Variants in ST7 observed in about 807,000 individuals in gnomAD.
The protein encoded by ST7 is suppression of tumorigenicity 7, also known as suppressor of tumorigenicity 7 protein.
Under a neutral mutation model 78.7 loss-of-function variants are expected in ST7, and 28 were observed. The observed-to-expected ratio is 0.36, with a 90% CI of 0.26 to 0.49. The LOEUF is 0.49. ST7 is among the 20% of genes least tolerant of loss of function. The pLI is 0.99. For synonymous variants in ST7, 247 were observed against 249.6 expected, an observed-to-expected ratio of 0.99 and a Z score of 0.10; for missense variants, 418 against 696.0, an observed-to-expected ratio of 0.60 and a Z score of 4.49.
intron 3 of ST7, among the ~76,000 whole-genome samples, chr7:117,126,671 C>T (rs1803875302): frequency 1.3e-5 from 2 of 151,328 alleles, no homozygotes; most frequent in African/African-American, 4.9e-5. Context: ...TATGAAAAGA[C>T]ATGAAATAAA....
At position 117,223,175 on chromosome 7, in the gene ST7, A is replaced by T. The variant is rs576419350; in HGVS notation, c.1638+1113A>T. ...CTCCTAAGCAACTAGGCCTTCAGTAAATGTGATTCACCTCTTCTTTCCCTC... is the reference window on the plus strand; with the variant it reads ...CTCCTAAGCAACTAGGCCTTCAGTATATGTGATTCACCTCTTCTTTCCCTC... On this transcript the variant is annotated intron_variant, in intron 15 of 15. Coordinates refer to ENST00000323984, the MANE Select transcript of ST7 (RefSeq NM_001369598.1). 113 of 586,506 alleles carry T rather than the reference A, an allele frequency of 1.9e-4. 1 individual carries two copies. In the East Asian group the frequency reaches 3.2e-3, roughly 17 times the overall value. 36.3% of individuals were successfully genotyped at this position (586,506 alleles called of 1,614,324 possible).
intron 10 of ST7, among the ~76,000 whole-genome samples, chr7:117,188,727 AC>A (rs1303588054): frequency 1.3e-5 from 2 of 151,876 alleles, no homozygotes; most frequent in Non-Finnish European, 1.5e-5. Flanking sequence ...TCATACATAT[AC>A]CCTTTAAAAG....
At chr7:116,993,280 T>C (rs554325856) in intron 1 of ST7, among the ~76,000 whole-genome samples, 4 of 152,340 alleles carry the variant, frequency 2.6e-5, no homozygotes, top group African/African-American at 9.6e-5. Flanking sequence ...AGAAGTTTAA[T>C]TGGACTTACA....
At chr7:117,127,065 T>G (rs1803914129) in intron 3 of ST7, among the ~76,000 whole-genome samples, 1 of 151,894 alleles carries the variant, frequency 6.6e-6, no homozygotes, top group Non-Finnish European at 1.5e-5. Context: ...TTATTATTGA[T>G]ATTAGCAAGT....
At chr7:116,984,112 G>GGT (rs1794087932) in intron 1 of ST7, among the ~76,000 whole-genome samples, 1 of 78,876 alleles carries the variant, frequency 1.3e-5, no homozygotes, top group Non-Finnish European at 2.4e-5. Context: ...ATTTATGTCA[G>GGT]CTGTGTGTGT....
chr7:117,079,839 C>G (rs1034452280), intron 1 of ST7, among the ~76,000 whole-genome samples: 4 of 152,130 alleles, frequency 2.6e-5, no homozygotes, highest in Non-Finnish European at 5.9e-5. Context: ...GCTTAAGAAA[C>G]CTTTTCTTCC....
chr7:117,192,474 T>C (rs1809875042), intron 12 of ST7, among the ~76,000 whole-genome samples: 1 of 152,242 alleles, frequency 6.6e-6, no homozygotes, highest in Non-Finnish European at 1.5e-5. Flanking sequence ...CTATCTTCTG[T>C]GGTAAAGATC....
rs528189514 is a variant in ST7 at position 117,217,086 on chromosome 7, C to T, written c.1406-1998C>T. 2.6e-5 allele frequency among the ~76,000 whole-genome samples: 4 copies of T among 152,246 alleles called. No homozygotes were observed. In the South Asian group the frequency reaches 8.3e-4, roughly 32 times the overall value. ...CAACCATTAGATTTCTATGGTTGAACACTCTCAAGATCTTGCACTCCTGTA... is the reference window on the plus strand; with the variant it reads ...CAACCATTAGATTTCTATGGTTGAATACTCTCAAGATCTTGCACTCCTGTA... On this transcript the variant is annotated intron_variant, in intron 13 of 15. Transcript: ENST00000323984.
chr7:116,989,209 G>T (rs1017034352), intron 1 of ST7, among the ~76,000 whole-genome samples: 2 of 152,202 alleles, frequency 1.3e-5, no homozygotes, highest in Non-Finnish European at 2.9e-5. Flanking sequence ...AGTCTGAAAT[G>T]CAGTGTGTAC....
chr7:116,968,394 G>A, intron 1 of ST7: 1 of 444,324 alleles, frequency 2.3e-6, no homozygotes, highest in South Asian at 1.6e-5. Context: ...TTCTTCTTGA[G>A]ACAGTGTCTT....
At chr7:117,184,644 A>G (rs1584538579) in intron 10 of ST7, among the ~76,000 whole-genome samples, 1 of 152,302 alleles carries the variant, frequency 6.6e-6, no homozygotes, top group East Asian at 1.9e-4. Flanking sequence ...GGGTACAAAT[A>G]TAAAGGGGTA....
At chr7:117,132,068 A>T (rs2117026955) in intron 6 of ST7, 108 bp downstream of exon 6, 1 of 1,125,736 alleles carries the variant, frequency 8.9e-7, no homozygotes, top group Middle Eastern at 2.0e-4. Flanking sequence ...GAACTGGAGG[A>T]TTATTTGGGG....
intron 1 of ST7, among the ~76,000 whole-genome samples, chr7:117,010,846 G>A (rs1037933355): frequency 3.3e-5 from 5 of 152,190 alleles, no homozygotes; most frequent in African/African-American, 7.2e-5. Context: ...AGCCATGCTC[G>A]TTCTCCTCTG....
chr7:117,068,118 C>A (rs1798739999), intron 1 of ST7, among the ~76,000 whole-genome samples: 1 of 152,128 alleles, frequency 6.6e-6, no homozygotes, highest in African/African-American at 2.4e-5. Flanking sequence ...GAGTAAAGGG[C>A]AACATCATAT....
intron 9 of ST7, among the ~76,000 whole-genome samples, chr7:117,160,399 C>G (rs950877018): frequency 4.6e-5 from 7 of 151,846 alleles, no homozygotes; most frequent in Admixed American, 4.6e-4. Context: ...GTGTTATCCC[C>G]GTCTTACTGA....
chr7:117,054,410 T>C lies in ST7; in HGVS notation c.152-45352T>C, dbSNP rs1563045896. Among the ~76,000 whole-genome samples, 3 of 152,234 alleles carry C rather than the reference T, an allele frequency of 2.0e-5. No homozygotes were observed. In the South Asian group the frequency reaches 6.2e-4, roughly 32 times the overall value. On this transcript the variant is annotated intron_variant, in intron 1 of 15. Coordinates refer to ENST00000323984, the MANE Select transcript of ST7 (RefSeq NM_001369598.1). ...TTCAGAGATCAGGAACTGCTCTTTC[T>C]TACTGCTGTGCCTGTGACACAATGC... is the stretch of plus-strand genomic sequence containing the variant.
intron 9 of ST7, among the ~76,000 whole-genome samples, chr7:117,157,469 A>T (rs1260132822): frequency 6.6e-6 from 1 of 151,962 alleles, no homozygotes; most frequent in African/African-American, 2.4e-5. Flanking sequence ...TGAATGTCAG[A>T]GGTTGGAGTA....
intron 2 of ST7, among the ~76,000 whole-genome samples, chr7:117,101,121 A>C (rs1801537885): frequency 6.6e-6 from 1 of 152,182 alleles, no homozygotes; most frequent in Non-Finnish European, 1.5e-5. Flanking sequence ...GGATGATGGC[A>C]GTGTGGGGAG....
At chr7:117,152,668 TG>T (rs1367880707) in intron 9 of ST7, among the ~76,000 whole-genome samples, 2 of 152,162 alleles carry the variant, frequency 1.3e-5, no homozygotes, top group East Asian at 3.8e-4. Flanking sequence ...CATCTACATT[TG>T]TAAGTCTTTT....
Sources: allele counts gnomAD v4.1 joint callset (sites outside exome capture counted in the v4.1 genomes callset), GRCh38; gene constraint gnomAD v4.1.1; transcripts MANE v1.5; gene names NCBI Gene and HGNC (gene_info 2026-07-23, HGNC 2026-07-21).